PLXDC2: variants seen among roughly 807,000 people sequenced by gnomAD.
The protein encoded by PLXDC2 is plexin domain-containing protein 2.
In PLXDC2, 40 loss-of-function variants were observed where a neutral mutation model predicts 68.9. The observed-to-expected ratio is 0.58, with a 90% CI of 0.45 to 0.76. The LOEUF is 0.76. Among genes scored for constraint, PLXDC2 ranks in the 30% least tolerant of loss-of-function variants. The pLI is 0.00. For synonymous variants in PLXDC2, 243 were observed against 234.2 expected, an observed-to-expected ratio of 1.04 and a Z score of -0.34; for missense variants, 644 against 661.9, an observed-to-expected ratio of 0.97 and a Z score of 0.30.
At chr10:19,946,657 G>A (rs1001938394) in intron 1 of PLXDC2, among the ~76,000 whole-genome samples, 1 of 151,862 alleles carries the variant, frequency 6.6e-6, no homozygotes, top group African/African-American at 2.4e-5. Flanking sequence ...AGGGAGGGAT[G>A]GTTTGGGGAT....
intron 11 of PLXDC2, among the ~76,000 whole-genome samples, chr10:20,218,752 A>G (rs1835172994): frequency 6.6e-6 from 1 of 152,158 alleles, no homozygotes; most frequent in African/African-American, 2.4e-5. Flanking sequence ...TCTAATTACA[A>G]TAAGTGATTT....
chr10:19,903,779 G>T (rs1306453150), intron 1 of PLXDC2, among the ~76,000 whole-genome samples: 6 of 149,342 alleles, frequency 4.0e-5, no homozygotes, highest in Non-Finnish European at 8.9e-5. Context: ...GCTTAAGATT[G>T]TCTATTTGTG....
chr10:20,245,503 G>C lies in PLXDC2; in HGVS notation c.1471G>C (p.Glu491Gln). ...PTSAASIFFI[E>Q]RRPSRWPAMK... ...ATCAGCAGCCAGCATCTTCTTTATT[G>C]AGGTAAGTGTTGAGTTTAACACATG... Residue 491 changes from glutamate to glutamine, a missense_variant and splice_region_variant, in exon 13 of 14, where the codon GAG becomes CAG. Coordinates refer to ENST00000377252, the MANE Select transcript of PLXDC2 (RefSeq NM_032812.9). 6.2e-7 allele frequency: 1 copy of C among 1,610,862 alleles called. No homozygotes were observed. Among genetic ancestry groups the C allele is most frequent in the Admixed American group, 1.7e-5 (1 of 59,882 alleles).
At chr10:19,908,497 C>T (rs1242630931) in intron 1 of PLXDC2, among the ~76,000 whole-genome samples, 1 of 152,140 alleles carries the variant, frequency 6.6e-6, no homozygotes, top group Non-Finnish European at 1.5e-5. Flanking sequence ...GTTAGGGTCA[C>T]TGATTAAGAA....
chr10:20,233,951 G>T (rs1349029397), intron 12 of PLXDC2, among the ~76,000 whole-genome samples: 1 of 151,528 alleles, frequency 6.6e-6, no homozygotes, highest in African/African-American at 2.4e-5. Flanking sequence ...CTTCTGAGTA[G>T]CTGGGACTAC....
intron 1 of PLXDC2, among the ~76,000 whole-genome samples, chr10:19,929,613 G>T (rs1185688835): frequency 2.0e-5 from 3 of 152,082 alleles, no homozygotes; most frequent in South Asian, 4.1e-4. Context: ...ACACACACAG[G>T]ATTGAGATCA....
intron 13 of PLXDC2, among the ~76,000 whole-genome samples, chr10:20,251,630 A>G (rs973240659): frequency 1.3e-5 from 2 of 152,202 alleles, no homozygotes; most frequent in Non-Finnish European, 2.9e-5. Flanking sequence ...AATAAAATAC[A>G]TAAAATGTAA....
At chr10:20,131,349 C>G (rs1407876263) in intron 4 of PLXDC2, among the ~76,000 whole-genome samples, 1 of 151,934 alleles carries the variant, frequency 6.6e-6, no homozygotes, top group Non-Finnish European at 1.5e-5. Flanking sequence ...GTAGTTTCTT[C>G]TGATATTTTA....
rs2131668139 is a variant in PLXDC2 at position 20,031,987 on chromosome 10, T to A, written c.325-14882T>A. Among the ~76,000 whole-genome samples the A allele has an allele frequency of 2.0e-5, 3 of 152,070 alleles. No individual in the cohort carries two copies. In the East Asian group the frequency reaches 5.8e-4, roughly 30 times the overall value. On this transcript the variant is annotated intron_variant, in intron 2 of 13. Coordinates refer to ENST00000377252, the MANE Select transcript of PLXDC2 (RefSeq NM_032812.9). ...GGTGTGTGCTACCACGTCCAGCTAA[T>A]TTTTTGTATTTTTTGTAGAGACAAG...
chr10:20,143,087 A>C (rs1183403697), intron 4 of PLXDC2, among the ~76,000 whole-genome samples: 3 of 152,068 alleles, frequency 2.0e-5, no homozygotes, highest in Non-Finnish European at 4.4e-5. Flanking sequence ...CGGATTTGCA[A>C]GGTTCTACCA....
At chr10:19,885,086 C>G (rs1296487619) in intron 1 of PLXDC2, among the ~76,000 whole-genome samples, 1 of 152,114 alleles carries the variant, frequency 6.6e-6, no homozygotes, top group East Asian at 1.9e-4. Context: ...TTTTGATTTG[C>G]ATTTCTCTGA....
intron 9 of PLXDC2, among the ~76,000 whole-genome samples, chr10:20,206,821 T>A (rs2131853003): frequency 6.6e-6 from 1 of 151,392 alleles, no homozygotes; most frequent in Middle Eastern, 3.4e-3. Context: ...TGCTGGATAG[T>A]GATATGGTTA....
At chr10:20,221,478 T>C (rs1835211727) in intron 12 of PLXDC2, among the ~76,000 whole-genome samples, 1 of 152,220 alleles carries the variant, frequency 6.6e-6, no homozygotes, top group African/African-American at 2.4e-5. Context: ...CTTATATCTA[T>C]GGTTGTTAAC....
At chr10:20,205,883 G>A (rs1424918973) in intron 9 of PLXDC2, among the ~76,000 whole-genome samples, 4 of 151,948 alleles carry the variant, frequency 2.6e-5, no homozygotes, top group Non-Finnish European at 5.9e-5. Context: ...GAGATATATT[G>A]CACAACACAG....
intron 2 of PLXDC2, among the ~76,000 whole-genome samples, chr10:20,029,974 G>T (rs1475108232): frequency 1.3e-5 from 2 of 151,964 alleles, no homozygotes; most frequent in African/African-American, 2.4e-5. Context: ...TTTGAATTTG[G>T]CTTTTAAATT....
At chr10:19,848,673 T>TA (rs1837059316) in intron 1 of PLXDC2, among the ~76,000 whole-genome samples, 1 of 152,196 alleles carries the variant, frequency 6.6e-6, no homozygotes, top group South Asian at 2.1e-4. Flanking sequence ...CCATGTAGGT[T>TA]AGTAGAGAAT....
At chr10:19,949,123 C>CAAAAAAA (rs60138814) in intron 1 of PLXDC2, among the ~76,000 whole-genome samples, 66 of 82,810 alleles carry the variant, frequency 8.0e-4, no homozygotes, top group East Asian at 2.1e-3. Context: ...GAGACTTTGT[C>CAAAAAAA]AAAAAAAAAA....
intron 3 of PLXDC2, among the ~76,000 whole-genome samples, chr10:20,056,768 A>T (rs1439325744): frequency 2.0e-5 from 3 of 152,164 alleles, no homozygotes; most frequent in Non-Finnish European, 4.4e-5. Context: ...TCTTTAGTGG[A>T]GGATGAGCAC....
At chr10:19,906,668 G>C (rs1199923572) in intron 1 of PLXDC2, among the ~76,000 whole-genome samples, 6 of 152,066 alleles carry the variant, frequency 3.9e-5, no homozygotes, top group Non-Finnish European at 8.8e-5. Flanking sequence ...TCTAGGAAGG[G>C]ACTAATCCAG....
Sources: gnomAD v4.1 joint callset for allele counts (sites outside exome capture counted in the v4.1 genomes callset) on GRCh38, gnomAD v4.1.1 for gene constraint, MANE v1.5 for transcripts, NCBI Gene and HGNC (gene_info 2026-07-23, HGNC 2026-07-21) for gene names.